SYNPO: variants seen among roughly 807,000 people sequenced by gnomAD.
The protein encoded by SYNPO is synaptopodin.
In SYNPO, 19 loss-of-function variants were observed where a neutral mutation model predicts 49.5. The ratio of observed to expected loss-of-function variants is 0.38; its 90% CI spans 0.27 to 0.56. The LOEUF (loss-of-function observed/expected upper bound fraction) is 0.56. Ranked by LOEUF, SYNPO falls within the 20% of genes least tolerant of loss-of-function variation. SYNPO has a pLI of 0.68. For missense variants in SYNPO, 1,131 were observed against 1,248.3 expected (o/e 0.91, Z 1.42); for synonymous variants, 536 against 548.0 (o/e 0.98, Z 0.31).
intron 1 of SYNPO, among the ~76,000 whole-genome samples, chr5:150,646,932 CTGT>C (rs1292483265): frequency 5.9e-5 from 9 of 152,086 alleles, no homozygotes; most frequent in Admixed American, 5.9e-4. Context: ...GTTCTAGGGG[CTGT>C]TGTTAGAGTG....
At chr5:150,617,070 T>C (rs1757000702) in intron 1 of SYNPO, among the ~76,000 whole-genome samples, 1 of 152,196 alleles carries the variant, frequency 6.6e-6, no homozygotes, top group South Asian at 2.1e-4. Context: ...ACAGCCAACA[T>C]GTATTAAGGT....
At chr5:150,635,470 TG>T (rs1298068315) in intron 2 of SYNPO, among the ~76,000 whole-genome samples, 3 of 152,210 alleles carry the variant, frequency 2.0e-5, no homozygotes, top group Non-Finnish European at 4.4e-5. Context: ...AACATTTTTT[TG>T]TTTGTTTGGT....
intron 1 of SYNPO, among the ~76,000 whole-genome samples, chr5:150,603,547 T>A (rs1038600780): frequency 6.6e-6 from 1 of 152,270 alleles, no homozygotes; most frequent in Non-Finnish European, 1.5e-5. Flanking sequence ...ATTTGTCTCA[T>A]CACCAGCTCT....
chr5:150,588,786 A>T, the SYNPO span, among the ~76,000 whole-genome samples: 1 of 151,586 alleles, frequency 6.6e-6, no homozygotes, highest in Admixed American at 6.6e-5. Flanking sequence ...CTTTTTTTTT[A>T]AAGGTGTTCA....
chr5:150,645,404 G>A (rs1758053992), intron 1 of SYNPO, among the ~76,000 whole-genome samples: 1 of 152,198 alleles, frequency 6.6e-6, no homozygotes, highest in African/African-American at 2.4e-5. Context: ...GTCACAGGCT[G>A]ATCCATCCAC....
rs1554108179 is a variant in SYNPO, at chr5:150,620,899, C to CTCTCTTTCTT, written c.400+2135_400+2136insCTTTCTTTCT. Among the ~76,000 whole-genome samples the CTCTCTTTCTT allele has an allele frequency of 3.0e-3, 328 of 108,920 alleles. 5 individuals carry two copies. Among genetic ancestry groups the CTCTCTTTCTT allele is most frequent in the Middle Eastern group, 5.1e-3 (1 of 198 alleles). 71.5% of individuals were successfully genotyped at this position (108,920 alleles called of 152,430 possible). ...TTTCTTTTTCTTTTTTTCTTTTTTTCTCTTTCTTTCTTTCTTTCTTTCTTT... is the reference window on the plus strand; with the variant it reads ...TTTCTTTTTCTTTTTTTCTTTTTTTCTCTCTTTCTTTCTTTCTTTCTTTCTTTCTTTCTTT... On this transcript the variant is annotated intron_variant, in intron 2 of 2. Transcript: ENST00000394243.
exon 2 of SYNPO, chr5:150,618,186 A>T (rs1757033570): frequency 1.4e-6 from 1 of 699,906 alleles, no homozygotes; most frequent in Admixed American, 3.4e-5. Context: ...GGAAGGACTT[A>T]TCTTTCGTCT....
intron 2 of SYNPO, among the ~76,000 whole-genome samples, chr5:150,633,927 G>C (rs1757622721): frequency 6.6e-6 from 1 of 151,962 alleles, no homozygotes; most frequent in Admixed American, 6.5e-5. Flanking sequence ...TTCAAGACCA[G>C]CCTGGGAAAC....
At chr5:150,632,122 C>T (rs1245529680) in intron 2 of SYNPO, among the ~76,000 whole-genome samples, 1 of 152,148 alleles carries the variant, frequency 6.6e-6, no homozygotes, top group African/African-American at 2.4e-5. Flanking sequence ...TAGGGCACAC[C>T]CCTTTTTCTC....
upstream of SYNPO, among the ~76,000 whole-genome samples, chr5:150,600,631 G>A (rs1756504720): frequency 6.6e-6 from 1 of 152,168 alleles, no homozygotes; most frequent in African/African-American, 2.4e-5. Flanking sequence ...GGGAAATGGG[G>A]CAGGGGGCTG....
At chr5:150,598,851 T>C (rs1258274592), upstream of SYNPO, among the ~76,000 whole-genome samples, 3 of 147,826 alleles carry the variant, frequency 2.0e-5, no homozygotes, top group African/African-American at 7.6e-5. Flanking sequence ...CCCAGAGGCC[T>C]GAAGGTGCAG....
chr5:150,629,521 T>A (rs1757470403), intron 2 of SYNPO, among the ~76,000 whole-genome samples: 1 of 152,034 alleles, frequency 6.6e-6, no homozygotes, highest in South Asian at 2.1e-4. Flanking sequence ...CTTACTGGCT[T>A]GTCACCAAGA....
Position 150,656,845 on chromosome 5 carries a change from C to T in SYNPO, c.2470C>T (p.Pro824Ser), listed in dbSNP as rs1483879884. 2 of 1,553,840 alleles carry T rather than the reference C, an allele frequency of 1.3e-6. No individual in the cohort carries two copies. The change falls in exon 3 of 3, where the codon CCG becomes TCG. Residue 824 changes from proline (P) to serine (S), a missense_variant. By Grantham distance (74) the Pro-to-Ser change is moderately conservative (BLOSUM62 -1). Transcript: ENST00000307662. ...GCCGGGGGCAGCCTTCGCGCCCATC[C>T]CGCGGAGCCCGTTGCCCGCCGGTCC... The part of the protein sequence containing the change: ...AVPGAAFAPI[P>S]RSPLPAGPSS...
intron 2 of SYNPO, among the ~76,000 whole-genome samples, chr5:150,623,433 G>A (rs1757243085): frequency 2.0e-5 from 3 of 152,052 alleles, no homozygotes; most frequent in Admixed American, 2.0e-4. Flanking sequence ...CCCACAGGCT[G>A]GGCTGCAGCC....
At chr5:150,598,149 G>C (rs751664096), upstream of SYNPO, among the ~76,000 whole-genome samples, 1 of 151,894 alleles carries the variant, frequency 6.6e-6, no homozygotes, top group African/African-American at 2.4e-5. Context: ...AGTGTCCCCC[G>C]CCCACAGAGA....
rs761935088 is a variant in SYNPO, at chr5:150,656,838, G to A, written c.2463G>A (p.Ala821=). Residue 821 remains alanine (A), a synonymous_variant, in exon 3 of 3, where the codon GCG becomes GCA. Transcript: ENST00000307662. ...CTGCTGTGCCGGGGGCAGCCTTCGC[G>A]CCCATCCCGCGGAGCCCGTTGCCCG... ...GSAAVPGAAF[A]PIPRSPLPAG... is the part of the protein sequence containing the mutation. 1.0e-5 allele frequency: 16 copies of A among 1,543,222 alleles called. No individual in the cohort carries two copies. The South Asian group carries it at 1.5e-4, about 15-fold the overall frequency.
intron 2 of SYNPO, among the ~76,000 whole-genome samples, chr5:150,629,227 G>T (rs1304890608): frequency 3.9e-5 from 6 of 152,054 alleles, no homozygotes; most frequent in Non-Finnish European, 8.8e-5. Context: ...TGCCCAGACT[G>T]GTCTTGAACT....
chr5:150,612,572 C>T (rs879013042), intron 1 of SYNPO, among the ~76,000 whole-genome samples: 1 of 152,178 alleles, frequency 6.6e-6, no homozygotes, highest in African/African-American at 2.4e-5. Context: ...TTGACTCAAT[C>T]GCTCACTAGC....
chr5:150,634,236 C>T (rs1757634676), intron 2 of SYNPO, among the ~76,000 whole-genome samples: 1 of 152,196 alleles, frequency 6.6e-6, no homozygotes, highest in Non-Finnish European at 1.5e-5. Flanking sequence ...ACCACATTCC[C>T]TGAGGGATTC....
Sources: gnomAD v4.1 joint callset for allele counts (sites outside exome capture counted in the v4.1 genomes callset) on GRCh38, gnomAD v4.1.1 for gene constraint, MANE v1.5 for transcripts, NCBI Gene and HGNC (gene_info 2026-07-23, HGNC 2026-07-21) for gene names.